The following KIF12 variants were observed in gnomAD, a reference collection of about 807,000 sequenced individuals.
KIF12 encodes kinesin family member 12, also known as kinesin-like protein KIF12.
Under a neutral mutation model 87.9 loss-of-function variants are expected in KIF12, and 80 were observed. The observed-to-expected ratio is 0.91, with a 90% confidence interval of 0.76 to 1.10. The LOEUF is 1.10. Ranked by LOEUF, KIF12 falls within the 50% of genes least tolerant of loss-of-function variation. The pLI is 0.00. For synonymous variants in KIF12, 353 were observed against 348.5 expected, an observed-to-expected ratio of 1.01 and a Z score of -0.14; for missense variants, 819 against 865.3, an observed-to-expected ratio of 0.95 and a Z score of 0.67.
chr9:114,096,605 G>T, intron 7 of KIF12, 127 bp from the exon 8 acceptor site: 2 of 777,080 alleles, frequency 2.6e-6, no homozygotes, highest in East Asian at 2.7e-5. Flanking sequence ...GCAACAGAGT[G>T]GGTGTTGTTC....
chr9:114,092,860 A>G (rs917668330), intron 16 of KIF12: 28 of 1,432,490 alleles, frequency 2.0e-5, no homozygotes, highest in African/African-American at 4.3e-5. Context: ...GAGAGCAGGA[A>G]CCACGTCTGG....
chr9:114,092,102 A>G, intron 18 of KIF12, 102 bp from the exon 19 acceptor site: 1 of 1,440,400 alleles, frequency 6.9e-7, no homozygotes, highest in Non-Finnish European at 9.2e-7. Context: ...GGGGGTAGGT[A>G]CCCTCCACCC....
In KIF12 at chr9:114,091,918, G is replaced by C; in HGVS notation, c.1899C>G (p.Ser633Arg). 1 of 1,612,864 alleles carries C rather than the reference G, an allele frequency of 6.2e-7. No homozygotes were observed. The highest frequency in any genetic ancestry group is 8.5e-7 in the Non-Finnish European group (1 of 1,179,678). The change falls in exon 19 of 19, where the codon AGC becomes AGG. Residue 633 changes from serine (S) to arginine (R), a missense_variant. Physicochemically the swap from Ser to Arg is moderately radical, Grantham distance 110. Coordinates refer to ENST00000640217, the MANE Select transcript of KIF12 (RefSeq NM_001388308.1). Reference protein sequence around the residue: ...QIGSSLRRGRSQPPCSEGARS... With the variant: ...QIGSSLRRGRRQPPCSEGARS... ...GTGCGCCCTCACTGCAGGGTGGCTG[G>C]CTGCGGCCACGTCGCAGGGAGCTGC...
intron 3 of KIF12, 90 bp from the exon 4 acceptor site, chr9:114,098,519 G>T (rs867214762): frequency 2.5e-5 from 18 of 713,544 alleles, no homozygotes; most frequent in Middle Eastern, 6.0e-4. Flanking sequence ...GGCGGGGCAC[G>T]CGGGAGGAGG....
At position 114,098,391 on chromosome 9, in the gene KIF12, G is replaced by A; in HGVS notation, c.210C>T (p.Arg70=). 1 of 1,514,426 alleles carries A rather than the reference G, an allele frequency of 6.6e-7. No homozygotes were observed. Among genetic ancestry groups the A allele is most frequent in the Non-Finnish European group, 8.8e-7 (1 of 1,137,570 alleles). 93.8% of individuals were successfully genotyped at this position (1,514,426 alleles called of 1,614,324 possible). ...PPGGGPEVAF[R]FGAVLDAART... ...GCGCCGCGTCTAGCACCGCACCGAAGCGGAACGCCACTTCTGGACCCCCGC... is the reference window on the plus strand; with the variant it reads ...GCGCCGCGTCTAGCACCGCACCGAAACGGAACGCCACTTCTGGACCCCCGC... The change falls in exon 4 of 19, where the codon CGC becomes CGT. Residue 70 remains arginine, a synonymous_variant. Transcript: ENST00000640217.
chr9:114,098,518 C>G (rs1847339875), intron 3 of KIF12, 89 bp from the exon 4 acceptor site: 1 of 880,550 alleles, frequency 1.1e-6, no homozygotes. Context: ...GGGCGGGGCA[C>G]GCGGGAGGAG....
At position 114,098,456 on chromosome 9, in the gene KIF12, G is replaced by C. The variant is rs906204630; in HGVS notation, c.172-27C>G. 6.7e-6 allele frequency: 10 copies of C among 1,484,496 alleles called. No individual in the cohort carries two copies. In the African/African-American group the frequency reaches 8.7e-5, roughly 13 times the overall value. The allele number at this position is 1,484,496 out of a possible 1,614,324, so 92.0% of individuals were successfully genotyped here. ...TGGCGCGGGTGGGGCGGAGGAGCGG[G>C]GCACTCTGGAGGAGGGCGGGGCACC... On this transcript the variant is annotated intron_variant, in intron 3 of 18. Coordinates refer to ENST00000640217, the MANE Select transcript of KIF12 (RefSeq NM_001388308.1).
At chr9:114,094,008 T>TG (rs750926032) in intron 13 of KIF12, 36 bp from the exon 14 acceptor site, 7 of 1,577,536 alleles carry the variant, frequency 4.4e-6, no homozygotes. Context: ...GGGTAGGAAA[T>TG]GGGGCTGGGG....
chr9:114,093,258 A>G lies in KIF12; in HGVS notation c.1567T>C (p.Cys523Arg). Residue 523 changes from cysteine (C) to arginine (R), a missense_variant, in exon 16 of 19, where the codon TGC becomes CGC. Transcript: ENST00000640217. Reference sequence around the variant, plus strand: ...GGCAGGTGGTGCTCCCCTGGCAGGCAGGCCCAGTGGGCCAGGGGCACTCGA... The same window carrying G: ...GGCAGGTGGTGCTCCCCTGGCAGGCGGGCCCAGTGGGCCAGGGGCACTCGA... The part of the protein sequence containing the change: ...LCRVPLAHWA[C>R]LPGEHHLPQV... 6.4e-7 allele frequency: 1 copy of G among 1,556,402 alleles called. No homozygotes were observed.
chr9:114,094,346 C>A lies in KIF12; in HGVS notation c.1222+7G>T, dbSNP rs182844693. 1.2e-6 allele frequency: 2 copies of A among 1,612,320 alleles called. No individual in the cohort carries two copies. Among genetic ancestry groups the A allele is most frequent in the Admixed American group, 3.3e-5 (2 of 60,004 alleles). On this transcript the variant is annotated splice_region_variant and intron_variant, in intron 12 of 18. Coordinates refer to ENST00000640217, the MANE Select transcript of KIF12 (RefSeq NM_001388308.1). ...CCCATCCTACTCTGCCTCCAGGAAG[C>A]CCATACCCTTGCAGTCCATTTGGTC... is the stretch of plus-strand genomic sequence containing the variant.
At chr9:114,093,843 C>A in intron 14 of KIF12, 43 bp downstream of exon 14, 1 of 1,535,700 alleles carries the variant, frequency 6.5e-7, no homozygotes, top group South Asian at 1.1e-5. Flanking sequence ...TCCCAGCTGC[C>A]CTCTGTCCAG....
chr9:114,097,519 C>A, intron 6 of KIF12, 83 bp from the exon 7 acceptor site: 13 of 1,587,248 alleles, frequency 8.2e-6, no homozygotes, highest in South Asian at 1.2e-5. Context: ...CAGTCCCCAC[C>A]GCCTCTTCTG....
At chr9:114,093,011 CA>C in intron 16 of KIF12, 1 of 1,283,316 alleles carries the variant, frequency 7.8e-7, no homozygotes, top group East Asian at 2.5e-5. Flanking sequence ...AAGTGAATGA[CA>C]GAATGAATTC....
intron 18 of KIF12, 77 bp downstream of exon 18, chr9:114,092,256 C>G (rs1337568871): frequency 6.7e-7 from 1 of 1,487,846 alleles, no homozygotes; most frequent in Non-Finnish European, 9.0e-7. Flanking sequence ...AGAGATAAGA[C>G]TGAGGCCTGG....
chr9:114,096,068 CG>C lies in KIF12; in HGVS notation c.877del (p.Arg293GlufsTer140), dbSNP rs1284924896. ...ELMLEANSINRSLLALGHCIS... is the reference protein window; with the variant it reads ...ELMLEANSINXSLLALGHCIS... ...GGTCTCACCCAGGGCCAGCAGGCTT[CG>C]GTTGATGCTGTTAGCCTCAAGCATC... On this transcript the variant is annotated frameshift_variant, in exon 9 of 19. Coordinates refer to ENST00000640217, the MANE Select transcript of KIF12 (RefSeq NM_001388308.1). LOFTEE classifies it high-confidence loss of function. The C allele has an allele frequency of 5.6e-6, 9 of 1,612,478 alleles. No homozygotes were observed. The highest frequency in any genetic ancestry group is 7.6e-6 in the Non-Finnish European group (9 of 1,179,518).
At chr9:114,092,125 CA>C in intron 18 of KIF12, 125 bp from the exon 19 acceptor site, 1 of 1,432,896 alleles carries the variant, frequency 7.0e-7, no homozygotes, top group Non-Finnish European at 9.2e-7. Flanking sequence ...CCCCCCACCC[CA>C]CCCCCATACA....
intron 2 of KIF12, 33 bp downstream of exon 2, chr9:114,099,071 C>T (rs373863722): frequency 1.9e-6 from 3 of 1,550,366 alleles, no homozygotes; most frequent in African/African-American, 1.4e-5. Flanking sequence ...ATCCTTGTCT[C>T]GCCCAGGTGC....
At chr9:114,095,390 TG>T in intron 9 of KIF12, 58 bp from the exon 10 acceptor site, 2 of 1,549,096 alleles carry the variant, frequency 1.3e-6, no homozygotes, top group Admixed American at 3.8e-5. Flanking sequence ...GCCATCAGGC[TG>T]GGATGCTGCA....
intron 18 of KIF12, 114 bp from the exon 19 acceptor site, chr9:114,092,114 T>TGCCCCCCCCCCCCC: frequency 7.2e-7 from 1 of 1,389,286 alleles, no homozygotes; most frequent in Non-Finnish European, 9.5e-7. Flanking sequence ...CCTCCACCCT[T>TGCCCCCCCCCCCCC]CCCCCCACCC....
Sources: allele counts gnomAD v4.1 joint callset, GRCh38; gene constraint gnomAD v4.1.1; transcripts MANE v1.5; gene names NCBI Gene and HGNC (gene_info 2026-07-23, HGNC 2026-07-21).